The following NDST4 variants were observed in gnomAD, a reference collection of about 807,000 sequenced individuals.
NDST4 encodes N-heparan sulfate sulfotransferase 4.
Under a neutral mutation model 100.8 loss-of-function variants are expected in NDST4, and 63 were observed. The ratio of observed to expected loss-of-function variants is 0.62; its 90% CI spans 0.51 to 0.77. The LOEUF (loss-of-function observed/expected upper bound fraction) is 0.77, where lower values mean the gene tolerates loss of function less well. NDST4 is among the 30% of genes least tolerant of loss of function. NDST4 has a pLI of 0.00. For missense variants in NDST4, 943 were observed against 1,018.4 expected, an observed-to-expected ratio of 0.93 and a Z score of 1.01; for synonymous variants, 377 against 361.8, an observed-to-expected ratio of 1.04 and a Z score of -0.48.
chr4:114,982,122 C>A (rs1726788138), intron 2 of NDST4, among the ~76,000 whole-genome samples: 1 of 152,152 alleles, frequency 6.6e-6, no homozygotes, highest in Non-Finnish European at 1.5e-5. Flanking sequence ...TAAGAATGAA[C>A]TAATACAGAA....
At chr4:115,105,418 A>G (rs1033326098) in intron 1 of NDST4, among the ~76,000 whole-genome samples, 1 of 152,126 alleles carries the variant, frequency 6.6e-6, no homozygotes, top group Non-Finnish European at 1.5e-5. Context: ...TCTTATAAAT[A>G]ATTCTATTAT....
chr4:114,833,157 T>G (rs1723238215), intron 12 of NDST4, among the ~76,000 whole-genome samples: 1 of 152,222 alleles, frequency 6.6e-6, no homozygotes, highest in African/African-American at 2.4e-5. Flanking sequence ...GTATACATGA[T>G]TATATTTGGT....
intron 2 of NDST4, among the ~76,000 whole-genome samples, chr4:115,022,393 T>TAC (rs1445237758): frequency 1.4e-4 from 21 of 150,608 alleles, no homozygotes; most frequent in East Asian, 2.0e-4. Context: ...GTGTTCCATA[T>TAC]ATATGTGTTC....
At chr4:114,916,921 C>G (rs115038072) in intron 6 of NDST4, among the ~76,000 whole-genome samples, 1 of 151,660 alleles carries the variant, frequency 6.6e-6, no homozygotes. Flanking sequence ...CACTATAAAT[C>G]TTTAATAAAT....
intron 8 of NDST4, among the ~76,000 whole-genome samples, chr4:114,851,407 G>A (rs532431698): frequency 1.3e-5 from 2 of 152,238 alleles, no homozygotes; most frequent in East Asian, 3.9e-4. Context: ...TCTTAGGAAA[G>A]CCAAAACCAG....
intron 2 of NDST4, among the ~76,000 whole-genome samples, chr4:114,983,686 G>C (rs948411378): frequency 2.0e-5 from 3 of 152,156 alleles, no homozygotes; most frequent in African/African-American, 7.2e-5. Flanking sequence ...AAGACTGAGG[G>C]AGACTGTTGG....
chr4:115,079,674 A>G lies in NDST4; in HGVS notation c.-246-2392T>C, dbSNP rs76358941. ...GAGAATTAAACTAGCATGCTTTTTA[A>G]TGAGTGGTATGTTCTATCACACTGT... is the stretch of plus-strand genomic sequence containing the variant. On this transcript the variant is annotated intron_variant, in intron 1 of 13. Coordinates refer to ENST00000264363, the MANE Select transcript of NDST4 (RefSeq NM_022569.3). Among the ~76,000 whole-genome samples the G allele has an allele frequency of 7.2e-3, 1,101 of 152,276 alleles. 6 individuals are homozygous for G. The highest frequency in any genetic ancestry group is 0.013 in the African/African-American group (537 of 41,562).
At chr4:115,036,421 G>T (rs1728234441) in intron 2 of NDST4, among the ~76,000 whole-genome samples, 1 of 150,894 alleles carries the variant, frequency 6.6e-6, no homozygotes, top group Non-Finnish European at 1.5e-5. Context: ...GTATGTGTGT[G>T]CATATATGTA....
At chr4:115,023,075 G>T (rs575608627) in intron 2 of NDST4, among the ~76,000 whole-genome samples, 1 of 152,246 alleles carries the variant, frequency 6.6e-6, no homozygotes, top group Admixed American at 6.5e-5. Flanking sequence ...AGTGGACTTT[G>T]GGGACTCAGG....
chr4:115,023,093 G>T (rs1160552425), intron 2 of NDST4, among the ~76,000 whole-genome samples: 1 of 152,126 alleles, frequency 6.6e-6, no homozygotes, highest in Non-Finnish European at 1.5e-5. Context: ...AGGAGAAAAG[G>T]GTGGGAAGGG....
At chr4:114,832,672 G>C (rs1178129098) in intron 12 of NDST4, among the ~76,000 whole-genome samples, 1 of 152,020 alleles carries the variant, frequency 6.6e-6, no homozygotes, top group Non-Finnish European at 1.5e-5. Flanking sequence ...TTCTCCCCTT[G>C]GATTTGGACT....
intron 2 of NDST4, among the ~76,000 whole-genome samples, chr4:115,049,577 T>C (rs1578482187): frequency 6.6e-6 from 1 of 152,180 alleles, no homozygotes; most frequent in African/African-American, 2.4e-5. Flanking sequence ...TTGTTTTCTC[T>C]AATATATTTC....
intron 6 of NDST4, among the ~76,000 whole-genome samples, chr4:114,892,740 T>TG (rs1260989352): frequency 6.6e-6 from 1 of 151,722 alleles, no homozygotes; most frequent in Non-Finnish European, 1.5e-5. Context: ...TTTTTTTTTG[T>TG]GGGGGTGGGA....
At chr4:115,044,071 C>T (rs927143927) in intron 2 of NDST4, among the ~76,000 whole-genome samples, 8 of 152,084 alleles carry the variant, frequency 5.3e-5, no homozygotes, top group Non-Finnish European at 1.2e-4. Context: ...TTAAAACCTA[C>T]TAAATTATTT....
intron 2 of NDST4, among the ~76,000 whole-genome samples, chr4:115,002,685 C>A (rs994216006): frequency 7.9e-5 from 12 of 152,028 alleles, no homozygotes; most frequent in African/African-American, 2.9e-4. Flanking sequence ...TCTCAAGGAT[C>A]TAGAAACAGA....
At chr4:115,106,621 G>A (rs1258046983) in intron 1 of NDST4, among the ~76,000 whole-genome samples, 6 of 151,994 alleles carry the variant, frequency 3.9e-5, no homozygotes, top group Non-Finnish European at 8.8e-5. Context: ...GTAATGACAG[G>A]AAAAAATGCC....
Position 114,977,225 on chromosome 4 carries a change from G to C in NDST4, c.1028C>G (p.Thr343Ser). The change falls in exon 3 of 14, where the codon ACC (threonine) becomes AGC (serine). Residue 343 changes from threonine (T) to serine (S), a missense_variant. Around this residue, in one of 2 missense-constraint regions of NDST4, gnomAD observed 526 missense variants for 634.1 expected, o/e 0.83. Transcript: ENST00000264363. ...CTTCCCTGAAAATCCAAGGTTGAAG[G>C]TAAAATTTGCAACCTGAGTGCGCAG... ...NLLRTQVANF[T>S]FNLGFSGKFY... 1 of 1,610,632 alleles carries C rather than the reference G, an allele frequency of 6.2e-7. No individual in the cohort carries two copies. The highest frequency in any genetic ancestry group is 8.5e-7 in the Non-Finnish European group (1 of 1,177,936).
intron 2 of NDST4, among the ~76,000 whole-genome samples, chr4:115,045,979 G>A (rs140270951): frequency 2.0e-5 from 3 of 152,186 alleles, no homozygotes; most frequent in African/African-American, 7.2e-5. Flanking sequence ...CGGAAGGTAC[G>A]CCTATTCACC....
At chr4:114,875,970 C>G (rs1724246233) in intron 6 of NDST4, among the ~76,000 whole-genome samples, 1 of 152,108 alleles carries the variant, frequency 6.6e-6, no homozygotes, top group Non-Finnish European at 1.5e-5. Context: ...TTAGAGCATA[C>G]ATTTTTAGTT....
Sources: allele counts gnomAD v4.1 joint callset (sites outside exome capture counted in the v4.1 genomes callset), GRCh38; gene constraint gnomAD v4.1.1; regional missense constraint gnomAD v4.1.1; transcripts MANE v1.5; gene names NCBI Gene and HGNC (gene_info 2026-07-23, HGNC 2026-07-21).